UACA: variants seen among roughly 807,000 people sequenced by gnomAD.
UACA encodes the protein nuclear membrane binding protein.
In UACA, 112 loss-of-function variants were observed where a neutral mutation model predicts 160.5. That is an observed-to-expected ratio of 0.70 (90% CI 0.60 to 0.82). The LOEUF (loss-of-function observed/expected upper bound fraction) is 0.82, where lower values mean the gene tolerates loss of function less well. Ranked by LOEUF, UACA falls within the 40% of genes least tolerant of loss-of-function variation. UACA has a pLI of 0.00. For missense variants in UACA, 1,574 were observed against 1,614.6 expected (o/e 0.97, Z 0.43); for synonymous variants, 557 against 568.4 (o/e 0.98, Z 0.29).
At chr15:70,719,974 G>GT (rs1464611742) in intron 1 of UACA, among the ~76,000 whole-genome samples, 2 of 152,076 alleles carry the variant, frequency 1.3e-5, no homozygotes, top group Non-Finnish European at 2.9e-5. Context: ...TTGGATCAGC[G>GT]TCCCCACCCA....
chr15:70,736,245 A>G (rs1307900858), intron 1 of UACA, among the ~76,000 whole-genome samples: 1 of 152,216 alleles, frequency 6.6e-6, no homozygotes, highest in Non-Finnish European at 1.5e-5. Flanking sequence ...TCAGTCAAGT[A>G]GCTGTATATA....
the UACA span, among the ~76,000 whole-genome samples, chr15:70,775,396 C>A: frequency 1.3e-5 from 2 of 152,182 alleles, no homozygotes; most frequent in Non-Finnish European, 1.5e-5. Context: ...AACCCTCTGG[C>A]ACCACCAGAC....
At chr15:70,698,002 A>C (rs1405865884) in intron 2 of UACA, among the ~76,000 whole-genome samples, 1 of 152,198 alleles carries the variant, frequency 6.6e-6, no homozygotes, top group Non-Finnish European at 1.5e-5. Context: ...GTGAGCCAAG[A>C]TTGTGCCATT....
Position 70,674,436 on chromosome 15 carries a change from G to T in UACA, c.1131+2057C>A, listed in dbSNP as rs150489778. 3.9e-5 allele frequency among the ~76,000 whole-genome samples: 6 copies of T among 152,246 alleles called. No individual in the cohort carries two copies. The East Asian group carries it at 9.6e-4, about 24-fold the overall frequency. On this transcript the variant is annotated intron_variant, in intron 13 of 18. Transcript: ENST00000322954. ...TTCAGTCAGGTGCTAGCAGAGTTAA[G>T]ATTATAGGTGTCTTTTGCATCTGCT...
chr15:70,683,401 C>G (rs190798303), intron 8 of UACA, among the ~76,000 whole-genome samples: 86 of 152,032 alleles, frequency 5.7e-4, no homozygotes, highest in African/African-American at 2.0e-3. Flanking sequence ...CTCCTAAATT[C>G]GAAGGCAATT....
intron 1 of UACA, among the ~76,000 whole-genome samples, chr15:70,711,721 T>C (rs1898687116): frequency 6.6e-6 from 1 of 152,090 alleles, no homozygotes; most frequent in Admixed American, 6.5e-5. Flanking sequence ...TCTCAAAGTA[T>C]AATAAGGCAG....
intron 2 of UACA, among the ~76,000 whole-genome samples, chr15:70,699,013 C>T (rs905305623): frequency 6.6e-6 from 1 of 152,160 alleles, no homozygotes. Context: ...GTTATCCTGC[C>T]TCCTTTCTGC....
chr15:70,667,258 G>T lies in UACA; in HGVS notation c.3426C>A (p.Tyr1142Ter), dbSNP rs548726754. 2 of 1,613,158 alleles carry T rather than the reference G, an allele frequency of 1.2e-6. No homozygotes were observed. The highest frequency in any genetic ancestry group is 1.3e-5 in the African/African-American group (1 of 74,782). The change falls in exon 16 of 19, where the codon TAC becomes TAA. Residue 1142 changes from tyrosine to a stop codon, truncating the protein, a stop_gained. Transcript: ENST00000322954. LOFTEE classifies it high-confidence loss of function. ...KEELKSMQRC[Y>*]EKEQQTVTKL... ...TGGTCACTGTCTGCTGCTCTTTCTC[G>T]TAACACCTTTGCATACTCTTCAGTT... is the stretch of plus-strand genomic sequence containing the variant.
intron 1 of UACA, among the ~76,000 whole-genome samples, chr15:70,700,508 T>A (rs1189560047): frequency 6.6e-6 from 1 of 151,934 alleles, no homozygotes; most frequent in Non-Finnish European, 1.5e-5. Context: ...CCACATGTAT[T>A]GTTTTTATAA....
chr15:70,670,468 T>C (rs960910432), intron 15 of UACA, among the ~76,000 whole-genome samples: 1 of 152,114 alleles, frequency 6.6e-6, no homozygotes, highest in African/African-American at 2.4e-5. Flanking sequence ...CTTCCAAGTG[T>C]ACTTTGCTTC....
At chr15:70,666,309 T>C (rs1229754045) in intron 16 of UACA, among the ~76,000 whole-genome samples, 1 of 152,152 alleles carries the variant, frequency 6.6e-6, no homozygotes, top group African/African-American at 2.4e-5. Flanking sequence ...ATAAAATGAA[T>C]TGGAGGGCTC....
At chr15:70,676,939 A>G (rs963586738) in intron 12 of UACA, among the ~76,000 whole-genome samples, 169 bp downstream of exon 12, 1 of 152,206 alleles carries the variant, frequency 6.6e-6, no homozygotes, top group Non-Finnish European at 1.5e-5. Flanking sequence ...AATCTATGCC[A>G]CTACATTCAA....
chr15:70,711,867 T>C (rs144175860), intron 1 of UACA, among the ~76,000 whole-genome samples: 4 of 152,170 alleles, frequency 2.6e-5, no homozygotes, highest in African/African-American at 9.6e-5. Context: ...AACCTATCTA[T>C]TAAAAGGTAA....
intron 1 of UACA, among the ~76,000 whole-genome samples, chr15:70,754,658 T>C (rs2030308171): frequency 6.6e-6 from 1 of 152,256 alleles, no homozygotes; most frequent in Non-Finnish European, 1.5e-5. Context: ...GTTCATCTTC[T>C]GCATATCATC....
At chr15:70,764,279 A>G (rs1595932619), upstream of UACA, among the ~76,000 whole-genome samples, 1 of 152,172 alleles carries the variant, frequency 6.6e-6, no homozygotes, top group East Asian at 1.9e-4. Flanking sequence ...TTAAGTTGTC[A>G]AAAAAAGTTA....
At position 70,700,318 on chromosome 15, in the gene UACA, T is replaced by TACACACACAC. The variant is rs34361847; in HGVS notation, c.79-668_79-659dup. Among the ~76,000 whole-genome samples, 418 of 139,794 alleles carry TACACACACAC rather than the reference T, an allele frequency of 3.0e-3. 3 individuals carry two copies. Among genetic ancestry groups the TACACACACAC allele is most frequent in the African/African-American group, 0.012 (398 of 34,336 alleles). The allele number at this position is 139,794 out of a possible 152,430, so 91.7% of individuals were successfully genotyped here. A position where few individuals can be genotyped will look rare whatever the true frequency, so the allele number is the denominator to read the frequency against. ...GGCAAATTGTATATATATATATATATACACACACACACACACACACACATT... is the reference window on the plus strand; with the variant it reads ...GGCAAATTGTATATATATATATATATACACACACACACACACACACACACACACACACATT... On this transcript the variant is annotated intron_variant, in intron 1 of 18. Transcript: ENST00000322954.
intron 17 of UACA, among the ~76,000 whole-genome samples, chr15:70,663,224 A>G (rs545061876): frequency 3.9e-5 from 6 of 152,370 alleles, no homozygotes; most frequent in African/African-American, 1.4e-4. Context: ...TTCTCAAAAG[A>G]AGACATTTAT....
chr15:70,667,308 C>T lies in UACA; in HGVS notation c.3376G>A (p.Gly1126Ser). 1 of 1,611,196 alleles carries T rather than the reference C, an allele frequency of 6.2e-7. No homozygotes were observed. The highest frequency in any genetic ancestry group is 8.5e-7 in the Non-Finnish European group (1 of 1,179,394). Residue 1126 changes from glycine to serine, a missense_variant, in exon 16 of 19, where the codon GGC becomes AGC. By Grantham distance (56) the Gly-to-Ser change is moderately conservative. Coordinates refer to ENST00000322954, the MANE Select transcript of UACA (RefSeq NM_018003.4). ...QVEALKKSLNGTIENLKEELK... is the reference protein window; with the variant it reads ...QVEALKKSLNSTIENLKEELK... The stretch of plus-strand genomic sequence containing the variant: ...TCTTCCTTTAGATTTTCAATTGTGC[C>T]ATTAAGAGATTTTTTCAGAGCCTCA...
chr15:70,721,205 TAGTG>T (rs1240072749), intron 1 of UACA, among the ~76,000 whole-genome samples: 1 of 152,170 alleles, frequency 6.6e-6, no homozygotes, highest in African/African-American at 2.4e-5. Context: ...TGAGTACAGT[TAGTG>T]AGGTAAAGAA....
Sources: gnomAD v4.1 joint callset for allele counts (sites outside exome capture counted in the v4.1 genomes callset) on GRCh38, gnomAD v4.1.1 for gene constraint, MANE v1.5 for transcripts, NCBI Gene and HGNC (gene_info 2026-07-23, HGNC 2026-07-21) for gene names.